APOLD1: variants seen among roughly 807,000 people sequenced by gnomAD.
The protein encoded by APOLD1 is apolipoprotein L domain-containing protein 1.
Under a neutral mutation model 15.3 loss-of-function variants are expected in APOLD1, and 22 were observed. The ratio of observed to expected loss-of-function variants is 1.44; its 90% CI spans 1.03 to 2.05. The LOEUF (loss-of-function observed/expected upper bound fraction) is 2.05, where lower values mean the gene tolerates loss of function less well. Among genes scored for constraint, APOLD1 ranks in the 30% most tolerant of loss-of-function variants. APOLD1 has a pLI of 0.00. For synonymous variants in APOLD1, 190 were observed against 167.4 expected (o/e 1.13, Z -1.04); for missense variants, 394 against 353.5 (o/e 1.11, Z -0.92).
At chr12:12,725,958 T>A in exon 1 of APOLD1, 1 of 1,426,392 alleles carries the variant, frequency 7.0e-7, no homozygotes, top group Non-Finnish European at 9.3e-7. Context: ...GTCAGCGATC[T>A]GCAGCTTCGC....
chr12:12,746,681 T>C (rs1282475437), intron 1 of APOLD1, among the ~76,000 whole-genome samples: 1 of 152,014 alleles, frequency 6.6e-6, no homozygotes, highest in African/African-American at 2.4e-5. Flanking sequence ...CATGCACAGG[T>C]TGTACATGGG....
chr12:12,781,002 C>G (rs1343741664), upstream of APOLD1, among the ~76,000 whole-genome samples: 2 of 151,868 alleles, frequency 1.3e-5, no homozygotes, highest in African/African-American at 4.8e-5. Context: ...GCCACTTTTC[C>G]ACTTGGTGCA....
chr12:12,787,303 AG>A lies in APOLD1; in HGVS notation c.399del (p.Ile134SerfsTer2), dbSNP rs1311559314. On this transcript the variant is annotated frameshift_variant, in exon 2 of 2. Transcript: ENST00000356591. LOFTEE classifies it high-confidence loss of function. The surrounding 1 kb of genome is among the most constrained non-coding windows in gnomAD (Gnocchi z 4.9). ...GCCACCTGCCAGGACCAGATGCGAGAGATCCTGAGCTGCCTCGAGTTTTTCT... is the reference window on the plus strand; with the variant it reads ...GCCACCTGCCAGGACCAGATGCGAGAATCCTGAGCTGCCTCGAGTTTTTCT... ...IAATCQDQMR[E>X]ILSCLEFFCR... is the part of the protein sequence containing the mutation. 6.2e-7 allele frequency: 1 copy of A among 1,611,650 alleles called. No homozygotes were observed. Among genetic ancestry groups the A allele is most frequent in the Non-Finnish European group, 8.5e-7 (1 of 1,179,312 alleles).
At chr12:12,776,418 A>T (rs948557816) in intron 1 of APOLD1, among the ~76,000 whole-genome samples, 1 of 152,376 alleles carries the variant, frequency 6.6e-6, no homozygotes, top group Admixed American at 6.5e-5. Flanking sequence ...GTATCCTGGA[A>T]GATAAGAGAA....
At chr12:12,736,650 T>C (rs1046810570) in intron 1 of APOLD1, among the ~76,000 whole-genome samples, 3 of 152,244 alleles carry the variant, frequency 2.0e-5, no homozygotes, top group African/African-American at 7.2e-5. Context: ...GTTATCCCAA[T>C]AGGACGTGGG....
chr12:12,768,667 A>G (rs573966756), intron 1 of APOLD1, among the ~76,000 whole-genome samples: 5 of 152,010 alleles, frequency 3.3e-5, no homozygotes, highest in African/African-American at 1.2e-4. Flanking sequence ...TTAAAAAAAA[A>G]AAAAAGCAAT....
upstream of APOLD1, among the ~76,000 whole-genome samples, chr12:12,782,257 TCAAACAAACAAA>T (rs59794394): frequency 3.4e-4 from 40 of 119,038 alleles, no homozygotes; most frequent in Admixed American, 5.5e-4. Context: ...AGACTCCGTC[TCAAACAAACAAA>T]CAAACAAACA....
chr12:12,726,035 G>A (rs770064762), exon 1 of APOLD1: 3 of 1,541,256 alleles, frequency 1.9e-6, no homozygotes, highest in Non-Finnish European at 2.6e-6. Context: ...CTGCGGGCCA[G>A]GGGTACTCGG....
chr12:12,734,947 A>C (rs1056748627), intron 1 of APOLD1, among the ~76,000 whole-genome samples: 1 of 152,156 alleles, frequency 6.6e-6, no homozygotes, highest in Non-Finnish European at 1.5e-5. Flanking sequence ...GTGAAGGATG[A>C]GTGCCATGAA....
intron 1 of APOLD1, among the ~76,000 whole-genome samples, chr12:12,770,228 A>G (rs140543486): frequency 0.013 from 1,993 of 152,272 alleles, 26 homozygotes; most frequent in South Asian, 0.025. Flanking sequence ...AGCATGGTGA[A>G]ACCTCGTCTG....
At chr12:12,755,188 T>C (rs1946848105) in intron 1 of APOLD1, among the ~76,000 whole-genome samples, 1 of 152,146 alleles carries the variant, frequency 6.6e-6, no homozygotes, top group Non-Finnish European at 1.5e-5. Flanking sequence ...AAATCAACAC[T>C]CCATACCTGT....
chr12:12,750,832 T>C (rs1946807773), intron 1 of APOLD1, among the ~76,000 whole-genome samples: 1 of 152,034 alleles, frequency 6.6e-6, no homozygotes, highest in African/African-American at 2.4e-5. Context: ...TGGAGTGCAA[T>C]GGCGTGATCA....
intron 1 of APOLD1, among the ~76,000 whole-genome samples, chr12:12,752,543 G>A (rs1283028970): frequency 1.3e-5 from 2 of 152,030 alleles, no homozygotes; most frequent in African/African-American, 4.8e-5. Context: ...GTGACTTTGA[G>A]GATAATGGAT....
At chr12:12,786,685 T>C (rs1947127153) in intron 1 of APOLD1, 1 of 985,288 alleles carries the variant, frequency 1.0e-6, no homozygotes, top group Non-Finnish European at 1.2e-6. Context: ...CCTATTTCCA[T>C]ATGCAGAGAT....
intron 1 of APOLD1, among the ~76,000 whole-genome samples, chr12:12,751,546 T>C (rs548489578): frequency 1.3e-5 from 2 of 152,262 alleles, no homozygotes; most frequent in South Asian, 4.1e-4. Flanking sequence ...AGACAAGGCA[T>C]TGCTATGTTA....
At chr12:12,730,046 G>A (rs1202879247) in intron 1 of APOLD1, among the ~76,000 whole-genome samples, 1 of 100,166 alleles carries the variant, frequency 1.0e-5, no homozygotes, top group African/African-American at 4.3e-5. Flanking sequence ...GTGTGTGTGT[G>A]TGTGTGTGTG....
intron 1 of APOLD1, among the ~76,000 whole-genome samples, chr12:12,751,938 C>A (rs117883191): frequency 6.6e-6 from 1 of 152,104 alleles, no homozygotes; most frequent in East Asian, 1.9e-4. Flanking sequence ...AGGAAGAAGC[C>A]GTAAGTCAAG....
rs58759446 is a variant in APOLD1, at chr12:12,735,775, CAATA to C, written c.96+9701_96+9704del. Among the ~76,000 whole-genome samples the C allele has an allele frequency of 9.7e-4, 146 of 150,562 alleles. 5 individuals carry two copies. In the South Asian group the frequency reaches 0.028, roughly 29 times the overall value. On this transcript the variant is annotated intron_variant, in intron 1 of 1. Coordinates refer to the APOLD1 transcript ENST00000326765. ...TGGACAATGTGAGGCCTCATTTCTA[CAATA>C]AATAAATAAATAAATAAATAAGCCA...
At chr12:12,732,412 A>G (rs913685064) in intron 1 of APOLD1, among the ~76,000 whole-genome samples, 9 of 152,368 alleles carry the variant, frequency 5.9e-5, no homozygotes, top group East Asian at 1.9e-4. Context: ...AGATTCAAAT[A>G]TGCAAAAACA....
Sources: allele counts gnomAD v4.1 joint callset (sites outside exome capture counted in the v4.1 genomes callset), GRCh38; gene constraint gnomAD v4.1.1; non-coding constraint Gnocchi (gnomAD v3.1); transcripts MANE v1.5; gene names NCBI Gene and HGNC (gene_info 2026-07-23, HGNC 2026-07-21).